The following NETO1 variants were observed in gnomAD, a reference collection of about 807,000 sequenced individuals.
NETO1 encodes neuropilin and tolloid-like protein 1.
NETO1 carries 26 observed loss-of-function variants against 61.3 expected under a neutral mutation model. The ratio of observed to expected loss-of-function variants is 0.42; its 90% confidence interval spans 0.31 to 0.59. The LOEUF (loss-of-function observed/expected upper bound fraction) is 0.59. NETO1 is among the 20% of genes least tolerant of loss of function. The probability of loss-of-function intolerance (pLI) is 0.12; values close to 1 mark genes in which losing one functional copy is unlikely to be tolerated. For missense variants in NETO1, 531 were observed against 662.8 expected (o/e 0.80, Z 2.18); for synonymous variants, 225 against 225.8 (o/e 1.00, Z 0.03).
chr18:72,756,191 A>G (rs2070777574), intron 7 of NETO1, 44 bp from the exon 8 acceptor site: 1 of 912,138 alleles, frequency 1.1e-6, no homozygotes, highest in Non-Finnish European at 1.8e-6. Context: ...GTTATAACTG[A>G]CATTCAGTAG....
At chr18:72,831,113 C>A (rs552471725) in intron 4 of NETO1, among the ~76,000 whole-genome samples, 1 of 152,260 alleles carries the variant, frequency 6.6e-6, no homozygotes, top group Non-Finnish European at 1.5e-5. Context: ...CAAACAACAG[C>A]CCATCTATTC....
intron 7 of NETO1, among the ~76,000 whole-genome samples, chr18:72,771,535 T>C (rs2071351301): frequency 6.6e-6 from 1 of 152,056 alleles, no homozygotes; most frequent in African/African-American, 2.4e-5. Flanking sequence ...CCTGGAAAGT[T>C]TAATGAAGGA....
chr18:72,774,462 T>G (rs1599144461), intron 7 of NETO1, among the ~76,000 whole-genome samples: 1 of 152,182 alleles, frequency 6.6e-6, no homozygotes, highest in East Asian at 1.9e-4. Flanking sequence ...CCTTTAAAAT[T>G]AGTAATTCTT....
At chr18:72,760,790 C>A (rs891714813) in intron 7 of NETO1, among the ~76,000 whole-genome samples, 4 of 152,138 alleles carry the variant, frequency 2.6e-5, no homozygotes, top group Admixed American at 2.6e-4. Flanking sequence ...GAGTACTGTG[C>A]AGAGACTGTG....
At chr18:72,780,663 T>A (rs772388044) in intron 7 of NETO1, among the ~76,000 whole-genome samples, 4 of 152,194 alleles carry the variant, frequency 2.6e-5, no homozygotes, top group Non-Finnish European at 5.9e-5. Context: ...ATTTTGAATA[T>A]CACAACTCAC....
intron 6 of NETO1, among the ~76,000 whole-genome samples, chr18:72,792,586 C>T (rs897400577): frequency 6.6e-6 from 1 of 151,698 alleles, no homozygotes; most frequent in Non-Finnish European, 1.5e-5. Flanking sequence ...CACAGCTTCC[C>T]ACTTGACCTT....
At chr18:72,783,552 T>C (rs2071813371) in intron 7 of NETO1, 126 bp downstream of exon 7, 1 of 740,098 alleles carries the variant, frequency 1.4e-6, no homozygotes, top group Non-Finnish European at 2.2e-6. Context: ...ACCTTAGTGG[T>C]TTAAACAACA....
intron 3 of NETO1, among the ~76,000 whole-genome samples, chr18:72,862,725 A>G (rs1221591117): frequency 1.4e-5 from 2 of 146,832 alleles, no homozygotes; most frequent in Non-Finnish European, 3.0e-5. Context: ...GGTTCACGCC[A>G]TTCTCCTGCC....
chr18:72,839,515 T>C (rs9950054), intron 4 of NETO1, among the ~76,000 whole-genome samples: 146,246 of 152,302 alleles, frequency 0.96, 70,307 homozygotes, highest in Non-Finnish European at 0.99. Flanking sequence ...AACTGGAGGT[T>C]TAAGTGCCTA....
chr18:72,859,160 T>A, intron 3 of NETO1, 86 bp from the exon 4 acceptor site: 1 of 1,308,470 alleles, frequency 7.6e-7, no homozygotes, highest in Non-Finnish European at 1.0e-6. Flanking sequence ...ATGTTATTTG[T>A]ACATCTTCTC....
chr18:72,840,112 G>T (rs2073882992), intron 4 of NETO1, among the ~76,000 whole-genome samples: 1 of 152,178 alleles, frequency 6.6e-6, no homozygotes, highest in Non-Finnish European at 1.5e-5. Flanking sequence ...CATTTAAAAT[G>T]CAGACTGCCC....
intron 4 of NETO1, among the ~76,000 whole-genome samples, chr18:72,800,066 G>A (rs1300777735): frequency 1.3e-5 from 2 of 152,236 alleles, no homozygotes; most frequent in African/African-American, 4.8e-5. Flanking sequence ...GAGAGATGGA[G>A]CCAGGGCCTT....
Position 72,846,504 on chromosome 18 carries a change from C to CAAAAAAAAAAAAAAAAAAAAAAAAAAA in NETO1, c.469+12295_469+12321dup, listed in dbSNP as rs35252443. Among the ~76,000 whole-genome samples the CAAAAAAAAAAAAAAAAAAAAAAAAAAA allele has an allele frequency of 1.5e-4, 2 of 13,004 alleles. 1 individual carries two copies. The highest frequency in any genetic ancestry group is 6.1e-4 in the African/African-American group (2 of 3,280). 8.5% of individuals were successfully genotyped at this position (13,004 alleles called of 152,430 possible). The stretch of plus-strand genomic sequence containing the variant: ...TGGGCAATGGAGTGAGACTTCATCT[C>CAAAAAAAAAAAAAAAAAAAAAAAAAAA]AAAAAAAAAAAAAAAAAAAAAAAAA... On this transcript the variant is annotated intron_variant, in intron 4 of 10. Transcript: ENST00000327305.
At chr18:72,847,502 C>G (rs2074124583) in intron 4 of NETO1, among the ~76,000 whole-genome samples, 1 of 152,202 alleles carries the variant, frequency 6.6e-6, no homozygotes, top group Non-Finnish European at 1.5e-5. Context: ...GTGCCAGGTT[C>G]TACAAATAGC....
rs571927195 is a variant in NETO1 at position 72,809,431 on chromosome 18, C to T, written c.470-15027G>A. On this transcript the variant is annotated intron_variant, in intron 4 of 10. Transcript: ENST00000327305. ...CTACCTTCTAAGGCATCAATTGCCT[C>T]GCTTCTAAGAGACTGGGGTAAAAAA... Among the ~76,000 whole-genome samples, 9 of 152,276 alleles carry T rather than the reference C, an allele frequency of 5.9e-5. No individual in the cohort carries two copies. In the South Asian group the frequency reaches 8.3e-4, roughly 14 times the overall value.
At chr18:72,847,317 G>C (rs1439819053) in intron 4 of NETO1, among the ~76,000 whole-genome samples, 1 of 152,192 alleles carries the variant, frequency 6.6e-6, no homozygotes, top group Non-Finnish European at 1.5e-5. Flanking sequence ...GGTGTCTGAA[G>C]GTAGCTGGAA....
intron 4 of NETO1, among the ~76,000 whole-genome samples, chr18:72,799,389 C>T (rs1160686223): frequency 1.3e-5 from 2 of 152,166 alleles, no homozygotes; most frequent in Admixed American, 6.5e-5. Flanking sequence ...ACGTTATGTG[C>T]ACTTTTATTG....
At chr18:72,749,123 C>T in intron 9 of NETO1, 35 bp from the exon 10 acceptor site, 2 of 1,219,154 alleles carry the variant, frequency 1.6e-6, no homozygotes, top group Non-Finnish European at 2.3e-6. Context: ...CAACAAAGTA[C>T]TATTTGCACA....
chr18:72,866,182 G>A (rs1215654696), intron 1 of NETO1, among the ~76,000 whole-genome samples: 2 of 151,982 alleles, frequency 1.3e-5, no homozygotes, highest in Non-Finnish European at 1.5e-5. Context: ...GACATAAAAG[G>A]TCTATGTTTT....
Sources: allele counts gnomAD v4.1 joint callset (sites outside exome capture counted in the v4.1 genomes callset), GRCh38; gene constraint gnomAD v4.1.1; transcripts MANE v1.5; gene names NCBI Gene and HGNC (gene_info 2026-07-23, HGNC 2026-07-21).